The following HIP1R variants were observed in gnomAD, a reference collection of about 807,000 sequenced individuals.
The protein encoded by HIP1R is huntingtin interacting protein 1 related.
HIP1R carries 135 observed loss-of-function variants against 144.2 expected under a neutral mutation model. That is an observed-to-expected ratio of 0.94 (90% CI 0.81 to 1.08). The LOEUF is 1.08. Ranked by LOEUF, HIP1R falls within the 50% of genes least tolerant of loss-of-function variation. The pLI is 0.00. For missense variants in HIP1R, 1,462 were observed against 1,432.8 expected (o/e 1.02, Z -0.33); for synonymous variants, 698 against 612.8 (o/e 1.14, Z -2.05).
rs759990337 is a variant in HIP1R at position 122,860,539 on chromosome 12, T to TG, written c.2660+25dup. The TG allele has an allele frequency of 2.9e-3, 2,538 of 887,234 alleles. 1 individual carries two copies. The highest frequency in any genetic ancestry group is 5.3e-3 in the African/African-American group (277 of 52,208). 55.0% of individuals were successfully genotyped at this position (887,234 alleles called of 1,614,324 possible). ...CACAGCTGGTGTAGGTTGCCCTGGG[T>TG]GGGGGGGGGCAGGGGGCTGCTTCCT... On this transcript the variant is annotated intron_variant, in intron 27 of 31. Transcript: ENST00000253083.
In HIP1R at chr12:122,861,984, G is replaced by A. The variant is rs1222081869; in HGVS notation, c.*231G>A. The A allele has an allele frequency of 7.6e-6, 4 of 528,502 alleles. No homozygotes were observed. Among genetic ancestry groups the A allele is most frequent in the Non-Finnish European group, 1.3e-5 (4 of 299,716 alleles). 32.7% of individuals were successfully genotyped at this position (528,502 alleles called of 1,614,324 possible). A position where few individuals can be genotyped will look rare whatever the true frequency, so the allele number is the denominator to read the frequency against. ...TTATCTGCAGAAGGAACTTTGGGGT[G>A]CAGCCAGGACCCGGTAGGCCTGAGC... On this transcript the variant is annotated 3_prime_UTR_variant, in exon 32 of 32. Coordinates refer to ENST00000253083, the MANE Select transcript of HIP1R (RefSeq NM_003959.3).
chr12:122,851,203 T>A, intron 6 of HIP1R, 33 bp from the exon 7 acceptor site: 1 of 1,477,072 alleles, frequency 6.8e-7, no homozygotes. Context: ...CCACCCACCC[T>A]TTTTCATTTC....
chr12:122,842,392 GGAGA>G (rs1378784976), intron 1 of HIP1R, among the ~76,000 whole-genome samples: 9 of 152,238 alleles, frequency 5.9e-5, no homozygotes, highest in Admixed American at 5.9e-4. Context: ...AGCTGGAGAA[GGAGA>G]GACTCAGTGC....
At chr12:122,845,389 CTG>C (rs1471692817) in intron 1 of HIP1R, among the ~76,000 whole-genome samples, 1 of 152,250 alleles carries the variant, frequency 6.6e-6, no homozygotes, top group Non-Finnish European at 1.5e-5. Context: ...CACAACGGGG[CTG>C]TGTTCCCAGA....
At chr12:122,847,941 C>A (rs2033257946) in intron 1 of HIP1R, 90 bp from the exon 2 acceptor site, 3 of 1,226,332 alleles carry the variant, frequency 2.4e-6, no homozygotes, top group Non-Finnish European at 1.2e-6. Context: ...CAGGCAGAAT[C>A]CTGTTCAGTA....
intron 22 of HIP1R, 71 bp downstream of exon 22, chr12:122,859,268 G>A: frequency 6.6e-7 from 1 of 1,522,396 alleles, no homozygotes; most frequent in Non-Finnish European, 8.9e-7. Flanking sequence ...CCTCTGGGTT[G>A]GCTGAACAGG....
chr12:122,857,647 G>A (rs1423444439), intron 18 of HIP1R: 1 of 306,276 alleles, frequency 3.3e-6, no homozygotes, highest in Non-Finnish European at 6.2e-6. Flanking sequence ...ACCCTGTTGA[G>A]AAACTACCAG....
At chr12:122,858,463 CG>C in intron 20 of HIP1R, 28 bp downstream of exon 20, 3 of 1,545,850 alleles carry the variant, frequency 1.9e-6, no homozygotes, top group Non-Finnish European at 2.6e-6. Flanking sequence ...AGGGCGGAGG[CG>C]GGGGCTGTGT....
At chr12:122,860,340 G>C in intron 26 of HIP1R, 83 bp from the exon 27 acceptor site, 2 of 1,563,340 alleles carry the variant, frequency 1.3e-6, no homozygotes, top group Non-Finnish European at 1.8e-6. Flanking sequence ...GCCAGAGTGA[G>C]GGGGAGAGGG....
chr12:122,848,954 C>A, intron 4 of HIP1R, 102 bp downstream of exon 4: 1 of 1,254,796 alleles, frequency 8.0e-7, no homozygotes, highest in South Asian at 1.2e-5. Context: ...CTGCGGGTGG[C>A]TGGGTTTTCC....
At chr12:122,855,499 G>T in intron 11 of HIP1R, 52 bp from the exon 12 acceptor site, 1 of 1,548,658 alleles carries the variant, frequency 6.5e-7, no homozygotes, top group Non-Finnish European at 8.7e-7. Context: ...TTTGCCCACT[G>T]CCCGGCCTGG....
At chr12:122,858,566 C>T in intron 20 of HIP1R, 131 bp downstream of exon 20, 1 of 753,632 alleles carries the variant, frequency 1.3e-6, no homozygotes, top group Non-Finnish European at 2.1e-6. Flanking sequence ...TGCCCCCTGC[C>T]TGCTCCTTCC....
intron 6 of HIP1R, 113 bp from the exon 7 acceptor site, chr12:122,851,123 C>A: frequency 9.9e-7 from 1 of 1,005,974 alleles, no homozygotes; most frequent in Non-Finnish European, 1.5e-6. Context: ...CACGCTGTCT[C>A]ACCAGAGCCA....
At chr12:122,835,322 G>T, upstream of HIP1R, 1 of 792,364 alleles carries the variant, frequency 1.3e-6, no homozygotes, top group Non-Finnish European at 1.5e-6. Context: ...GGAGGGGCGC[G>T]CCCTGGAGTT....
At chr12:122,847,389 G>A (rs574335305) in intron 1 of HIP1R, among the ~76,000 whole-genome samples, 1 of 152,298 alleles carries the variant, frequency 6.6e-6, no homozygotes, top group African/African-American at 2.4e-5. Context: ...TGCCACTTGC[G>A]CAGCTCCGGG....
At position 122,835,511 on chromosome 12, in the gene HIP1R, G is replaced by A; in HGVS notation, c.-40G>A. Reference sequence around the variant, plus strand: ...CTGCCGGACCGTGAGGCTGTGAGTCGCGCGGACGGAGCCGGACAAAAGCGG... The same window carrying A: ...CTGCCGGACCGTGAGGCTGTGAGTCACGCGGACGGAGCCGGACAAAAGCGG... On this transcript the variant is annotated 5_prime_UTR_variant, in exon 1 of 32. Transcript: ENST00000253083. 1 of 1,297,656 alleles carries A rather than the reference G, an allele frequency of 7.7e-7. No individual in the cohort carries two copies. The highest frequency in any genetic ancestry group is 9.8e-7 in the Non-Finnish European group (1 of 1,015,562). 80.4% of individuals were successfully genotyped at this position (1,297,656 alleles called of 1,614,324 possible). A position where few individuals can be genotyped will look rare whatever the true frequency, so the allele number is the denominator to read the frequency against.
chr12:122,860,445 T>G lies in HIP1R; in HGVS notation c.2582T>G (p.Phe861Cys), dbSNP rs757332368. 1 of 1,613,396 alleles carries G rather than the reference T, an allele frequency of 6.2e-7. No homozygotes were observed. Among genetic ancestry groups the G allele is most frequent in the South Asian group, 1.1e-5 (1 of 91,080 alleles). The change falls in exon 27 of 32, where the codon TTT becomes TGT. Residue 861 changes from phenylalanine to cysteine, a missense_variant. Coordinates refer to ENST00000253083, the MANE Select transcript of HIP1R (RefSeq NM_003959.3). ...TAGGGGGCAGCCACGCAGCAGGAAT[T>G]TTACGCCAAGAACTCGCGCTGGACC... ...SGRGAATQQE[F>C]YAKNSRWTEG...
At position 122,856,247 on chromosome 12, in the gene HIP1R, C is replaced by T. The variant is rs759722369; in HGVS notation, c.1313-9C>T. ...CACGGGGCATCACTGCCCCTCCTCT[C>T]GCCCCCAGGGAAGGCCAGTGCCACG... On this transcript the variant is annotated splice_polypyrimidine_tract_variant and intron_variant, in intron 14 of 31. Coordinates refer to ENST00000253083, the MANE Select transcript of HIP1R (RefSeq NM_003959.3). The T allele has an allele frequency of 3.7e-6, 6 of 1,613,416 alleles. No homozygotes were observed. The highest frequency in any genetic ancestry group is 5.1e-6 in the Non-Finnish European group (6 of 1,179,920).
chr12:122,855,960 C>A lies in HIP1R; in HGVS notation c.1129-20C>A, dbSNP rs112802783. On this transcript the variant is annotated intron_variant, in intron 13 of 31. Coordinates refer to ENST00000253083, the MANE Select transcript of HIP1R (RefSeq NM_003959.3). ...CCCTCACGGCCCAGGCAGGGCCCCACGTCACACCTCCTCCCGCAGGCCCAG... is the reference window on the plus strand; with the variant it reads ...CCCTCACGGCCCAGGCAGGGCCCCAAGTCACACCTCCTCCCGCAGGCCCAG... The A allele has an allele frequency of 5.1e-6, 8 of 1,574,888 alleles. No individual in the cohort carries two copies. In the East Asian group the frequency reaches 1.2e-4, roughly 23 times the overall value.
Sources: allele counts gnomAD v4.1 joint callset (sites outside exome capture counted in the v4.1 genomes callset), GRCh38; gene constraint gnomAD v4.1.1; transcripts MANE v1.5; gene names NCBI Gene and HGNC (gene_info 2026-07-23, HGNC 2026-07-21).